The following DPYD variants were observed in gnomAD, a reference collection of about 807,000 sequenced individuals.
DPYD encodes dihydropyrimidine dehydrogenase [NADP(+)].
DPYD carries 109 observed loss-of-function variants against 116.2 expected under a neutral mutation model. The ratio of observed to expected loss-of-function variants is 0.94; its 90% CI spans 0.80 to 1.10. DPYD has a LOEUF of 1.10. Among genes scored for constraint, DPYD ranks in the 50% least tolerant of loss-of-function variants. DPYD has a pLI of 0.00. For synonymous variants in DPYD, 440 were observed against 432.0 expected (o/e 1.02, Z -0.23); for missense variants, 1,302 against 1,254.5 (o/e 1.04, Z -0.57).
chr1:97,361,660 C>G (rs1670734286), intron 16 of DPYD, among the ~76,000 whole-genome samples: 1 of 152,182 alleles, frequency 6.6e-6, no homozygotes, highest in Non-Finnish European at 1.5e-5. Flanking sequence ...ATACGCAAAT[C>G]AATAAATGTA....
chr1:97,332,074 T>A (rs1382848999), intron 16 of DPYD, among the ~76,000 whole-genome samples: 1 of 152,172 alleles, frequency 6.6e-6, no homozygotes, highest in African/African-American at 2.4e-5. Flanking sequence ...ATCTTCTAAT[T>A]GTGTGCCTAG....
In DPYD at chr1:97,749,024, T is replaced by C. The variant is rs139880744; in HGVS notation, c.234-8545A>G. On this transcript the variant is annotated intron_variant, in intron 3 of 22. Coordinates refer to ENST00000370192, the MANE Select transcript of DPYD (RefSeq NM_000110.4). The stretch of plus-strand genomic sequence containing the variant: ...ATCTGAAGGATGCAACTGGTAAGTA[T>C]GAGAATATATGTGACAAAAGACGCT... Among the ~76,000 whole-genome samples the C allele has an allele frequency of 4.6e-3, 698 of 152,338 alleles. 3 individuals carry two copies. The highest frequency in any genetic ancestry group is 7.9e-3 in the Non-Finnish European group (538 of 68,022).
At chr1:97,501,867 A>G (rs932971131) in intron 13 of DPYD, among the ~76,000 whole-genome samples, 1 of 152,058 alleles carries the variant, frequency 6.6e-6, no homozygotes, top group African/African-American at 2.4e-5. Context: ...CATGAGTTAC[A>G]TGATTTTAAC....
At chr1:97,153,151 G>A (rs1440256184) in intron 20 of DPYD, among the ~76,000 whole-genome samples, 2 of 152,018 alleles carry the variant, frequency 1.3e-5, no homozygotes, top group South Asian at 2.1e-4. Flanking sequence ...CTTAATATGA[G>A]TATAGCTGAT....
intron 19 of DPYD, among the ~76,000 whole-genome samples, chr1:97,195,518 AG>A (rs1658692647): frequency 2.0e-5 from 1 of 49,640 alleles, no homozygotes; most frequent in South Asian, 1.2e-3. Flanking sequence ...GAATGGGATA[AG>A]GAGAGAGAGA....
At chr1:97,123,827 T>C (rs543346891) in intron 20 of DPYD, among the ~76,000 whole-genome samples, 13 of 152,122 alleles carry the variant, frequency 8.5e-5, no homozygotes, top group Non-Finnish European at 1.9e-4. Context: ...ATTTCCTCTA[T>C]AGTTGCTGCT....
chr1:97,453,814 T>G (rs965476215), intron 13 of DPYD, among the ~76,000 whole-genome samples: 3 of 152,086 alleles, frequency 2.0e-5, no homozygotes, highest in African/African-American at 7.2e-5. Flanking sequence ...AGGAAAGTTA[T>G]GAATGATCTC....
At chr1:97,431,450 C>T (rs1164168675) in intron 14 of DPYD, among the ~76,000 whole-genome samples, 1 of 152,110 alleles carries the variant, frequency 6.6e-6, no homozygotes, top group Non-Finnish European at 1.5e-5. Context: ...TCTATCTTAT[C>T]TCTTTATAAC....
chr1:97,524,362 T>A (rs1486601780), intron 12 of DPYD, among the ~76,000 whole-genome samples: 1 of 152,206 alleles, frequency 6.6e-6, no homozygotes, highest in Non-Finnish European at 1.5e-5. Context: ...GCCATGGGTG[T>A]GAAGTTGGAG....
intron 20 of DPYD, among the ~76,000 whole-genome samples, chr1:97,125,595 C>G (rs527793367): frequency 6.6e-6 from 1 of 152,152 alleles, no homozygotes; most frequent in Admixed American, 6.6e-5. Flanking sequence ...GTGTCCTCCC[C>G]CAATTCATAT....
At chr1:97,744,297 G>A (rs1313618809) in intron 3 of DPYD, among the ~76,000 whole-genome samples, 1 of 152,002 alleles carries the variant, frequency 6.6e-6, no homozygotes, top group Non-Finnish European at 1.5e-5. Context: ...AATGAAACAA[G>A]CGGCATTTCA....
chr1:97,690,254 A>T (rs1000753155), intron 7 of DPYD, among the ~76,000 whole-genome samples: 1 of 152,064 alleles, frequency 6.6e-6, no homozygotes, highest in Non-Finnish European at 1.5e-5. Context: ...TGGCATGACT[A>T]TAGCTAAGAT....
At chr1:97,503,154 A>G (rs1331813667) in intron 13 of DPYD, among the ~76,000 whole-genome samples, 1 of 147,892 alleles carries the variant, frequency 6.8e-6, no homozygotes, top group Non-Finnish European at 1.5e-5. Flanking sequence ...AATACTTAAT[A>G]AGATAATATT....
intron 13 of DPYD, among the ~76,000 whole-genome samples, chr1:97,458,375 A>G (rs1231947592): frequency 1.3e-5 from 2 of 152,188 alleles, no homozygotes; most frequent in African/African-American, 2.4e-5. Context: ...CCCTTGCAAT[A>G]TAACACATAT....
At chr1:97,187,420 G>T (rs571649541) in intron 20 of DPYD, among the ~76,000 whole-genome samples, 1 of 152,132 alleles carries the variant, frequency 6.6e-6, no homozygotes, top group South Asian at 2.1e-4. Context: ...TTTAATAGGG[G>T]TTACTTGTTT....
rs572533149 is a variant in DPYD at position 97,893,529 on chromosome 1, G to A, written c.40-10155C>T. Among the ~76,000 whole-genome samples, 11 of 145,048 alleles carry A rather than the reference G, an allele frequency of 7.6e-5. No homozygotes were observed. In the East Asian group the frequency reaches 2.1e-3, roughly 27 times the overall value. On this transcript the variant is annotated intron_variant, in intron 1 of 22. Transcript: ENST00000370192. ...ACTCATGGGTCTTTGGTCCCAACAT[G>A]TTTAGGTAAATTTACATTACATTTC...
At chr1:97,294,680 C>T (rs143380706) in intron 18 of DPYD, among the ~76,000 whole-genome samples, 11 of 152,294 alleles carry the variant, frequency 7.2e-5, no homozygotes, top group Middle Eastern at 6.8e-3. Flanking sequence ...AGTGCTCAGA[C>T]GGTTCATCCA....
chr1:97,293,320 G>A (rs1666327632), intron 18 of DPYD, among the ~76,000 whole-genome samples: 1 of 152,162 alleles, frequency 6.6e-6, no homozygotes. Flanking sequence ...TACAGAATGA[G>A]CAATGGAGAA....
intron 14 of DPYD, among the ~76,000 whole-genome samples, chr1:97,407,601 C>T (rs1205387918): frequency 1.3e-5 from 2 of 152,052 alleles, no homozygotes; most frequent in Non-Finnish European, 2.9e-5. Flanking sequence ...AATTATAATG[C>T]CAACTAGGTG....
Sources: allele counts gnomAD v4.1 joint callset (sites outside exome capture counted in the v4.1 genomes callset), GRCh38; gene constraint gnomAD v4.1.1; transcripts MANE v1.5; gene names NCBI Gene and HGNC (gene_info 2026-07-23, HGNC 2026-07-21).